PEX14: variants seen among roughly 807,000 people sequenced by gnomAD.
The protein encoded by PEX14 is peroxisomal membrane protein PEX14.
In PEX14, 15 loss-of-function variants were observed where a neutral mutation model predicts 49.5. The ratio of observed to expected loss-of-function variants is 0.30; its 90% confidence interval spans 0.20 to 0.47. The LOEUF (loss-of-function observed/expected upper bound fraction) is 0.47. Ranked by LOEUF, PEX14 falls within the 20% of genes least tolerant of loss-of-function variation. PEX14 has a pLI of 1.00. For missense variants in PEX14, 398 were observed against 494.8 expected, an observed-to-expected ratio of 0.80 and a Z score of 1.86; for synonymous variants, 210 against 212.7, an observed-to-expected ratio of 0.99 and a Z score of 0.11.
At chr1:10,504,369 T>A (rs1641741756) in intron 2 of PEX14, among the ~76,000 whole-genome samples, 1 of 152,216 alleles carries the variant, frequency 6.6e-6, no homozygotes, top group Non-Finnish European at 1.5e-5. Context: ...GGGCACTCCT[T>A]GACAGTCAGA....
intron 3 of PEX14, among the ~76,000 whole-genome samples, chr1:10,576,386 G>A (rs6540937): frequency 0.61 from 93,035 of 151,516 alleles, 29,780 homozygotes; most frequent in Admixed American, 0.7. Context: ...ACCCTACGAG[G>A]TATGTATTTT....
At chr1:10,565,734 C>T (rs1045310702) in intron 3 of PEX14, among the ~76,000 whole-genome samples, 1 of 152,162 alleles carries the variant, frequency 6.6e-6, no homozygotes, top group Non-Finnish European at 1.5e-5. Context: ...AAAATTGTAA[C>T]TGAGTGCAAT....
At chr1:10,513,496 C>T (rs1233441308) in intron 2 of PEX14, among the ~76,000 whole-genome samples, 1 of 152,132 alleles carries the variant, frequency 6.6e-6, no homozygotes, top group Non-Finnish European at 1.5e-5. Context: ...AGGGGTGGCC[C>T]GATAGCCTGC....
At position 10,622,999 on chromosome 1, in the gene PEX14, C is replaced by T. The variant is rs754390076; in HGVS notation, c.385-20C>T. ...ACCCCGGGTCCGTATGCATTCCTCACCCTGTCCCGCTTCTTGCAGAAATAC... is the reference window on the plus strand; with the variant it reads ...ACCCCGGGTCCGTATGCATTCCTCATCCTGTCCCGCTTCTTGCAGAAATAC... On this transcript the variant is annotated intron_variant, in intron 5 of 8. Transcript: ENST00000356607. The T allele has an allele frequency of 5.1e-6, 8 of 1,561,282 alleles. No homozygotes were observed. In the East Asian group the frequency reaches 1.3e-4, roughly 26 times the overall value.
At chr1:10,572,580 G>A (rs1377524823) in intron 3 of PEX14, among the ~76,000 whole-genome samples, 1 of 152,126 alleles carries the variant, frequency 6.6e-6, no homozygotes. Context: ...TGTCACCCAG[G>A]CTGGAGTGCG....
intron 1 of PEX14, among the ~76,000 whole-genome samples, chr1:10,493,400 G>A (rs999986927): frequency 1.3e-5 from 2 of 152,250 alleles, no homozygotes; most frequent in East Asian, 1.9e-4. Flanking sequence ...CAGTAGAGAT[G>A]GAGAAAAACG....
intron 5 of PEX14, among the ~76,000 whole-genome samples, chr1:10,619,997 C>T (rs530615761): frequency 2.0e-5 from 3 of 152,252 alleles, no homozygotes; most frequent in South Asian, 2.1e-4. Context: ...CACCTGCAGT[C>T]CCAGCTACTG....
chr1:10,613,363 C>G lies in PEX14; in HGVS notation c.299-4969C>G, dbSNP rs565569565. 6.6e-6 allele frequency among the ~76,000 whole-genome samples: 1 copy of G among 152,332 alleles called. No homozygotes were observed. Among genetic ancestry groups the G allele is most frequent in the Admixed American group, 6.5e-5 (1 of 15,302 alleles). On this transcript the variant is annotated intron_variant, in intron 4 of 8. Coordinates refer to ENST00000356607, the MANE Select transcript of PEX14 (RefSeq NM_004565.3). This position sits in a 1 kb window ranked among gnomAD's most constrained non-coding sequence, Gnocchi z 5.0. ...TACCATGGTTTTACCCAAACTGGAG[C>G]CTTTGCGCAGGCTGACCTCCATGGA...
chr1:10,579,321 A>G (rs2124566255), intron 3 of PEX14, among the ~76,000 whole-genome samples: 1 of 152,278 alleles, frequency 6.6e-6, no homozygotes, highest in South Asian at 2.1e-4. Context: ...AAGGAAAAAA[A>G]TAAAGACATT....
chr1:10,491,252 A>C (rs868324660), intron 1 of PEX14, among the ~76,000 whole-genome samples: 14 of 152,154 alleles, frequency 9.2e-5, no homozygotes, highest in Admixed American at 3.9e-4. Context: ...AATAAAAAAA[A>C]GGCCAGGTGT....
Position 10,603,468 on chromosome 1 carries a change from C to G in PEX14, c.298+4102C>G, listed in dbSNP as rs148506844. Among the ~76,000 whole-genome samples the G allele has an allele frequency of 2.0e-3, 300 of 151,374 alleles. 1 individual carries two copies. Among genetic ancestry groups the G allele is most frequent in the African/African-American group, 6.6e-3 (274 of 41,360 alleles). On this transcript the variant is annotated intron_variant, in intron 4 of 8. Coordinates refer to ENST00000356607, the MANE Select transcript of PEX14 (RefSeq NM_004565.3). ...TTGTGAAAGTGATAGGAGGTTGGCACCAAGGGGAAGCTTGGTGTCACCTGG... is the reference window on the plus strand; with the variant it reads ...TTGTGAAAGTGATAGGAGGTTGGCAGCAAGGGGAAGCTTGGTGTCACCTGG...
intron 4 of PEX14, among the ~76,000 whole-genome samples, chr1:10,614,437 G>A (rs1641355192): frequency 6.6e-6 from 1 of 151,972 alleles, no homozygotes; most frequent in Non-Finnish European, 1.5e-5. Context: ...AGGGACCACA[G>A]GTGTTTCTTG....
intron 5 of PEX14, 133 bp from the exon 6 acceptor site, chr1:10,622,886 C>T (rs1641634045): frequency 1.6e-5 from 11 of 705,080 alleles, no homozygotes; most frequent in Admixed American, 4.1e-5. Flanking sequence ...ATATCTTGTT[C>T]ATTTATGGTG....
chr1:10,541,172 A>T (rs1638997811), intron 3 of PEX14, among the ~76,000 whole-genome samples: 1 of 152,236 alleles, frequency 6.6e-6, no homozygotes. Context: ...GACAGTGGGC[A>T]AAATGTAGGG....
At chr1:10,595,879 C>A (rs284269) in intron 3 of PEX14, among the ~76,000 whole-genome samples, 144,128 of 152,142 alleles carry the variant, frequency 0.95, 68,490 homozygotes, top group Middle Eastern at 0.99. Context: ...CTTTTATAAT[C>A]TAGCCTGTGC....
chr1:10,624,916 GT>G (rs1346827482), intron 7 of PEX14, among the ~76,000 whole-genome samples: 3 of 152,122 alleles, frequency 2.0e-5, no homozygotes, highest in Non-Finnish European at 4.4e-5. Flanking sequence ...CTAGACTCAG[GT>G]TCCATGGGTT....
At chr1:10,482,761 A>T (rs1641304121) in intron 1 of PEX14, among the ~76,000 whole-genome samples, 1 of 152,156 alleles carries the variant, frequency 6.6e-6, no homozygotes, top group Non-Finnish European at 1.5e-5. Flanking sequence ...TGGACATTAG[A>T]TTGTTTCACC....
chr1:10,589,393 G>T (rs1570315312), intron 3 of PEX14, among the ~76,000 whole-genome samples: 1 of 152,156 alleles, frequency 6.6e-6, no homozygotes. Flanking sequence ...CCCCAACCGG[G>T]TGTAGTGTAA....
intron 2 of PEX14, among the ~76,000 whole-genome samples, chr1:10,532,688 A>T (rs1471253595): frequency 1.3e-5 from 2 of 152,146 alleles, no homozygotes; most frequent in African/African-American, 4.8e-5. Flanking sequence ...ATTTGGCCTG[A>T]ATTTATGTAA....
Sources: allele counts gnomAD v4.1 joint callset (sites outside exome capture counted in the v4.1 genomes callset), GRCh38; gene constraint gnomAD v4.1.1; non-coding constraint Gnocchi (gnomAD v3.1); transcripts MANE v1.5; gene names NCBI Gene and HGNC (gene_info 2026-07-23, HGNC 2026-07-21).